EIF3C: variants seen among roughly 807,000 people sequenced by gnomAD.
The protein encoded by EIF3C is cell migration-inducing protein 17.
Under a neutral mutation model 11.1 loss-of-function variants are expected in EIF3C, and 2 were observed. That is an observed-to-expected ratio of 0.18 (90% CI 0.07 to 0.57). The LOEUF (loss-of-function observed/expected upper bound fraction) is 0.57, where lower values mean the gene tolerates loss of function less well. Ranked by LOEUF, EIF3C falls within the 20% of genes least tolerant of loss-of-function variation. EIF3C has a pLI of 0.92. For synonymous variants in EIF3C, 2 were observed against 41.5 expected (o/e 0.05, Z 3.66); for missense variants, 16 against 114.6 (o/e 0.14, Z 3.93).
intron 1 of EIF3C, among the ~76,000 whole-genome samples, chr16:28,698,162 T>C (rs1260861408): frequency 9.6e-5 from 9 of 93,540 alleles, no homozygotes; most frequent in Non-Finnish European, 1.5e-4. Flanking sequence ...ACGGGGCGGC[T>C]GGCCGGGCAG....
rs1280462340 is a variant in EIF3C, at chr16:28,699,819, C to T, written c.-31+10991C>T. On this transcript the variant is annotated intron_variant, in intron 1 of 20. Transcript: ENST00000566501. ...TCAGCCTCCCAGCGTGCTGGGATTACGGGTGTGAGCCACCTCATCCAGCCT... is the reference window on the plus strand; with the variant it reads ...TCAGCCTCCCAGCGTGCTGGGATTATGGGTGTGAGCCACCTCATCCAGCCT... Among the ~76,000 whole-genome samples the T allele has an allele frequency of 2.9e-3, 283 of 95,950 alleles. 68 individuals are homozygous for T. Among genetic ancestry groups the T allele is most frequent in the Non-Finnish European group, 3.9e-3 (189 of 48,044 alleles). 62.9% of individuals were successfully genotyped at this position (95,950 alleles called of 152,430 possible).
intron 1 of EIF3C, chr16:28,700,887 C>G (rs1357584995): frequency 4.5e-6 from 1 of 220,830 alleles, no homozygotes; most frequent in Non-Finnish European, 7.8e-6. Flanking sequence ...TCACCATGCT[C>G]CTGCTAAAGC....
At chr16:28,727,666 G>T (rs1486024771) in intron 15 of EIF3C, 1 of 229,464 alleles carries the variant, frequency 4.4e-6, no homozygotes, top group African/African-American at 2.6e-5. Flanking sequence ...CCTCCTATTT[G>T]TGTTTCTATT....
chr16:28,699,614 G>A (rs1188831779), intron 1 of EIF3C, among the ~76,000 whole-genome samples: 1 of 96,776 alleles, frequency 1.0e-5, no homozygotes, highest in Non-Finnish European at 2.0e-5. Context: ...CACTATCTCA[G>A]CTCACTGCAA....
intron 1 of EIF3C, among the ~76,000 whole-genome samples, chr16:28,697,017 C>G (rs1252410244): frequency 6.2e-5 from 2 of 32,418 alleles, no homozygotes; most frequent in Non-Finnish European, 1.0e-4. Flanking sequence ...CAGTCTAGAG[C>G]GCAATGGGGT....
intron 1 of EIF3C, among the ~76,000 whole-genome samples, chr16:28,697,937 GGGGCGGCC>G: frequency 1.0e-5 from 1 of 97,004 alleles, no homozygotes; most frequent in Non-Finnish European, 2.0e-5. Context: ...CTTCCCAGTA[GGGGCGGCC>G]GGGCAGAGGC....
chr16:28,725,894 C>CT (rs2048380007), intron 13 of EIF3C, among the ~76,000 whole-genome samples: 2 of 147,142 alleles, frequency 1.4e-5, no homozygotes, highest in African/African-American at 2.5e-5. Context: ...TGAGACCAGC[C>CT]TGGCCAACGT....
chr16:28,699,777 C>G (rs1452718787), intron 1 of EIF3C, among the ~76,000 whole-genome samples: 5 of 91,362 alleles, frequency 5.5e-5, no homozygotes, highest in African/African-American at 2.4e-4. Context: ...CTTCTGACCT[C>G]AAGTGATCCA....
intron 1 of EIF3C, chr16:28,700,927 G>A (rs1183145579): frequency 4.8e-6 from 1 of 208,944 alleles, no homozygotes. Flanking sequence ...TTGAGACGGA[G>A]TCTTGCTCTG....
intron 1 of EIF3C, among the ~76,000 whole-genome samples, chr16:28,697,988 G>A (rs2048250093): frequency 2.0e-5 from 1 of 49,134 alleles, no homozygotes; most frequent in Admixed American, 1.8e-4. Context: ...CGGCTGGCCG[G>A]GCGGGGGGGC....
chr16:28,707,003 G>T, upstream of EIF3C, among the ~76,000 whole-genome samples: 1 of 6,278 alleles, frequency 1.6e-4, no homozygotes, highest in Non-Finnish European at 2.3e-4. Context: ...CCCATGTTAC[G>T]TTTGTCTCCA....
Position 28,689,130 on chromosome 16 carries a change from C to G in EIF3C, c.-31+302C>G, listed in dbSNP as rs1218878326. Among the ~76,000 whole-genome samples the G allele has an allele frequency of 5.4e-5, 2 of 37,020 alleles. 1 individual carries two copies. The highest frequency in any genetic ancestry group is 2.0e-3 in the East Asian group (2 of 1,004). 24.3% of individuals were successfully genotyped at this position (37,020 alleles called of 152,430 possible). ...TTCACTATGTTGGCGAGGCTGGTCT[C>G]GAACTCCTGACCTCTTGATCTGCCT... On this transcript the variant is annotated intron_variant, in intron 1 of 20. Transcript: ENST00000566501.
At chr16:28,698,526 G>T (rs1238206794) in intron 1 of EIF3C, among the ~76,000 whole-genome samples, 1 of 90,418 alleles carries the variant, frequency 1.1e-5, no homozygotes, top group Non-Finnish European at 2.0e-5. Flanking sequence ...GGCTGGGCGG[G>T]GGGCTGACCC....
At chr16:28,712,684 G>A (rs2048312629) in intron 2 of EIF3C, among the ~76,000 whole-genome samples, 2 of 145,910 alleles carry the variant, frequency 1.4e-5, no homozygotes, top group Non-Finnish European at 3.0e-5. Context: ...CACTTCCACA[G>A]GTGGAAACCA....
rs1190404858 is a variant in EIF3C, at chr16:28,689,316, C to T, written c.-31+488C>T. On this transcript the variant is annotated intron_variant, in intron 1 of 20. Transcript: ENST00000566501. Reference sequence around the variant, plus strand: ...CCTGTTTAAATGACTCTGTGGTTTCCGCCTTGTGAGTGGATCCCGATCGAT... The same window carrying T: ...CCTGTTTAAATGACTCTGTGGTTTCTGCCTTGTGAGTGGATCCCGATCGAT... Among the ~76,000 whole-genome samples the T allele has an allele frequency of 1.7e-4, 8 of 47,544 alleles. 2 individuals carry two copies. The highest frequency in any genetic ancestry group is 1.8e-4 in the Non-Finnish European group (5 of 27,432). The allele number at this position is 47,544 out of a possible 152,430, so 31.2% of individuals were successfully genotyped here. A position where few individuals can be genotyped will look rare whatever the true frequency, so the allele number is the denominator to read the frequency against.
At chr16:28,698,231 C>T (rs1176348886) in intron 1 of EIF3C, among the ~76,000 whole-genome samples, 2 of 120,102 alleles carry the variant, frequency 1.7e-5, no homozygotes, top group Non-Finnish European at 3.6e-5. Context: ...ACCTCCCGGA[C>T]GGGGCGGCTG....
chr16:28,700,438 G>A (rs143775970), intron 1 of EIF3C: 10,524 of 379,856 alleles, frequency 0.028, 1,750 homozygotes, highest in African/African-American at 0.27. Flanking sequence ...GGGGAACTTG[G>A]CCTTGGTGGG....
intron 1 of EIF3C, among the ~76,000 whole-genome samples, chr16:28,698,260 C>T (rs1227269015): frequency 8.3e-6 from 1 of 120,310 alleles, no homozygotes; most frequent in East Asian, 2.8e-4. Flanking sequence ...GGGGGGCTGA[C>T]CCCCCCATCT....
chr16:28,723,179 T>G lies in EIF3C; in HGVS notation c.792T>G (p.Asp264Glu). The G allele has an allele frequency of 1.2e-6, 2 of 1,613,632 alleles. No individual in the cohort carries two copies. Among genetic ancestry groups the G allele is most frequent in the Non-Finnish European group, 8.5e-7 (1 of 1,179,944 alleles). The change falls in exon 9 of 21, where the codon GAT (aspartate) becomes GAG (glutamate). Residue 264 changes from aspartate to glutamate, a missense_variant. Asp to Glu is a conservative substitution (Grantham distance 45). Coordinates refer to ENST00000331666, the MANE Select transcript of EIF3C (RefSeq NM_003752.5). Reference protein sequence around the residue: ...SRFLKKAPTTDEDKKAAEKKR... With the variant: ...SRFLKKAPTTEEDKKAAEKKR... ...CTGTCGGCAGGGCACCCACCACAGA[T>G]GAGGACAAGAAGGCAGCCGAGAAGA... is the stretch of plus-strand genomic sequence containing the variant.
Sources: gnomAD v4.1 joint callset for allele counts (sites outside exome capture counted in the v4.1 genomes callset) on GRCh38, gnomAD v4.1.1 for gene constraint, MANE v1.5 for transcripts, NCBI Gene and HGNC (gene_info 2026-07-23, HGNC 2026-07-21) for gene names.